ANKRD36: variants seen among roughly 807,000 people sequenced by gnomAD.
The protein encoded by ANKRD36 is ankyrin repeat domain-containing protein 36A.
In ANKRD36, 179 loss-of-function variants were observed where a neutral mutation model predicts 278.1. The ratio of observed to expected loss-of-function variants is 0.64; its 90% confidence interval spans 0.57 to 0.73. The LOEUF is 0.73. Ranked by LOEUF, ANKRD36 falls within the 30% of genes least tolerant of loss-of-function variation. ANKRD36 has a pLI of 0.00. For missense variants in ANKRD36, 1,159 were observed against 1,956.7 expected (o/e 0.59, Z 7.69); for synonymous variants, 320 against 641.1 (o/e 0.50, Z 7.57).
intron 48 of ANKRD36, 138 bp from the exon 49 acceptor site, chr2:97,203,930 C>G (rs543271683): frequency 1.4e-6 from 2 of 1,384,732 alleles, no homozygotes; most frequent in East Asian, 5.1e-5. Flanking sequence ...GTTCTAATCC[C>G]CAGACCAAAA....
chr2:97,142,928 C>T (rs1348205205), intron 8 of ANKRD36, 93 bp downstream of exon 8: 2 of 1,388,862 alleles, frequency 1.4e-6, no homozygotes, highest in East Asian at 2.5e-5. Context: ...ATTGAATCTG[C>T]ACATTCTGAT....
At chr2:97,137,296 G>A (rs768082160) in intron 6 of ANKRD36, among the ~76,000 whole-genome samples, 7 of 151,714 alleles carry the variant, frequency 4.6e-5, no homozygotes, top group Non-Finnish European at 8.8e-5. Context: ...ACATACGTGT[G>A]CCACCACACT....
At chr2:97,166,297 A>G (rs914491580) in intron 20 of ANKRD36, among the ~76,000 whole-genome samples, 2 of 150,842 alleles carry the variant, frequency 1.3e-5, no homozygotes, top group African/African-American at 4.8e-5. Flanking sequence ...ATGTGAGTGA[A>G]TAGAAACTAT....
intron 46 of ANKRD36, among the ~76,000 whole-genome samples, chr2:97,201,293 A>C (rs1325536745): frequency 6.6e-6 from 1 of 151,926 alleles, no homozygotes; most frequent in African/African-American, 2.4e-5. Context: ...TACCTCTTGG[A>C]TAAAATAGCT....
At chr2:97,128,945 C>A (rs1365887532) in intron 6 of ANKRD36, among the ~76,000 whole-genome samples, 1 of 152,088 alleles carries the variant, frequency 6.6e-6, no homozygotes, top group Non-Finnish European at 1.5e-5. Context: ...GTGCATGTGT[C>A]TTTATAGCAG....
At chr2:97,200,235 C>A (rs2060966446) in intron 44 of ANKRD36, 99 bp from the exon 45 acceptor site, 3 of 1,591,572 alleles carry the variant, frequency 1.9e-6, no homozygotes, top group Non-Finnish European at 2.6e-6. Flanking sequence ...TCCACTAATA[C>A]AAGCAGGAGG....
Position 97,185,390 on chromosome 2 carries a change from C to A in ANKRD36, c.1968+46C>A, listed in dbSNP as rs749265381. 1.4e-5 allele frequency: 22 copies of A among 1,608,066 alleles called. No individual in the cohort carries two copies. In the South Asian group the frequency reaches 2.3e-4, roughly 17 times the overall value. On this transcript the variant is annotated intron_variant, in intron 29 of 75. Transcript: ENST00000420699. ...ATTTTGTATTAGTAACTGTATAGTC[C>A]ATGAAACATACTTTCTTTATTGATA...
intron 22 of ANKRD36, among the ~76,000 whole-genome samples, chr2:97,169,269 T>C (rs1008833136): frequency 6.6e-6 from 1 of 152,148 alleles, no homozygotes; most frequent in African/African-American, 2.4e-5. Context: ...TTTGAGCATA[T>C]CCTTCACCCA....
intron 24 of ANKRD36, among the ~76,000 whole-genome samples, chr2:97,181,362 G>A (rs1182246908): frequency 6.6e-6 from 1 of 151,366 alleles, no homozygotes; most frequent in Non-Finnish European, 1.5e-5. Context: ...TTTAGTTTTA[G>A]ATGTATCACG....
intron 16 of ANKRD36, among the ~76,000 whole-genome samples, 169 bp from the exon 17 acceptor site, chr2:97,158,419 G>T (rs12616884): frequency 5.0e-5 from 5 of 99,304 alleles, no homozygotes; most frequent in Non-Finnish European, 8.9e-5. Context: ...TAGAGATGGA[G>T]TTTCACCATG....
intron 12 of ANKRD36, among the ~76,000 whole-genome samples, chr2:97,151,538 TTTA>T (rs1403200972): frequency 6.6e-6 from 1 of 152,310 alleles, no homozygotes; most frequent in Non-Finnish European, 1.5e-5. Flanking sequence ...ATTTACTTTT[TTTA>T]TTATTAGTTT....
chr2:97,178,821 A>G (rs986071796), intron 22 of ANKRD36, among the ~76,000 whole-genome samples: 2 of 151,794 alleles, frequency 1.3e-5, no homozygotes, highest in Admixed American at 6.6e-5. Flanking sequence ...TAAAACTTAA[A>G]GTATAATAAA....
At chr2:97,197,122 G>A (rs2059992687) in intron 42 of ANKRD36, among the ~76,000 whole-genome samples, 2 of 151,914 alleles carry the variant, frequency 1.3e-5, no homozygotes, top group African/African-American at 4.8e-5. Flanking sequence ...AGGAAGTATC[G>A]ATTTTACAGA....
intron 54 of ANKRD36, among the ~76,000 whole-genome samples, chr2:97,208,547 C>T (rs1446604859): frequency 2.1e-5 from 3 of 146,160 alleles, no homozygotes; most frequent in Admixed American, 1.4e-4. Context: ...GAACTCACTT[C>T]AGATGCATTT....
chr2:97,196,980 A>G (rs2059942964), intron 42 of ANKRD36, among the ~76,000 whole-genome samples, 192 bp downstream of exon 42: 1 of 151,918 alleles, frequency 6.6e-6, no homozygotes, highest in Non-Finnish European at 1.5e-5. Flanking sequence ...CCGTAAGATT[A>G]TACACTTCCA....
At chr2:97,169,739 T>G (rs2153515020) in intron 22 of ANKRD36, among the ~76,000 whole-genome samples, 1 of 152,320 alleles carries the variant, frequency 6.6e-6, no homozygotes, top group South Asian at 2.1e-4. Flanking sequence ...GAGAAAGACC[T>G]CTTCAGGGAG....
intron 67 of ANKRD36, among the ~76,000 whole-genome samples, chr2:97,228,381 A>C (rs989182241): frequency 1.2e-4 from 18 of 152,104 alleles, no homozygotes; most frequent in African/African-American, 4.1e-4. Context: ...GTATGTGTCC[A>C]GGAATTTATG....
intron 64 of ANKRD36, among the ~76,000 whole-genome samples, chr2:97,218,513 A>T (rs1046668926): frequency 6.0e-5 from 9 of 151,094 alleles, no homozygotes; most frequent in African/African-American, 2.2e-4. Flanking sequence ...TTCACCAAAC[A>T]TATATCCAAG....
At chr2:97,154,537 A>T in intron 14 of ANKRD36, 138 bp from the exon 15 acceptor site, 2 of 604,516 alleles carry the variant, frequency 3.3e-6, no homozygotes, top group Non-Finnish European at 5.6e-6. Context: ...AATATTATTT[A>T]ATATGCAGAT....
Sources: gnomAD v4.1 joint callset for allele counts (sites outside exome capture counted in the v4.1 genomes callset) on GRCh38, gnomAD v4.1.1 for gene constraint, MANE v1.5 for transcripts, NCBI Gene and HGNC (gene_info 2026-07-23, HGNC 2026-07-21) for gene names.